Variants in ANKRD30B observed in about 807,000 individuals in gnomAD.
The protein encoded by ANKRD30B is ankyrin repeat domain 30B.
A neutral mutation model predicts 202.2 loss-of-function variants in ANKRD30B; 144 were observed. The observed-to-expected ratio is 0.71, with a 90% CI of 0.62 to 0.82. ANKRD30B has a LOEUF of 0.82. ANKRD30B is among the 40% of genes least tolerant of loss of function. The pLI is 0.00. For synonymous variants in ANKRD30B, 508 were observed against 561.3 expected (o/e 0.91, Z 1.34); for missense variants, 1,487 against 1,669.1 (o/e 0.89, Z 1.90).
chr18:14,914,023 T>G, the ANKRD30B span, among the ~76,000 whole-genome samples: 1 of 152,168 alleles, frequency 6.6e-6, no homozygotes, highest in African/African-American at 2.4e-5. Context: ...TACTGCAGCT[T>G]GTGTCAGAGA....
chr18:14,887,390 T>C, the ANKRD30B span, among the ~76,000 whole-genome samples: 1 of 152,170 alleles, frequency 6.6e-6, no homozygotes, highest in Non-Finnish European at 1.5e-5. Context: ...TACATAGTTC[T>C]AAAATATGAT....
At chr18:14,872,542 T>C in the ANKRD30B span, among the ~76,000 whole-genome samples, 3 of 152,304 alleles carry the variant, frequency 2.0e-5, no homozygotes, top group African/African-American at 7.2e-5. Context: ...TAGAAATCAA[T>C]GCAGCGTGGT....
intron 30 of ANKRD30B, among the ~76,000 whole-genome samples, chr18:14,817,545 T>A (rs1319521245): frequency 6.6e-6 from 1 of 152,170 alleles, no homozygotes; most frequent in African/African-American, 2.4e-5. Flanking sequence ...CTCTGAATGT[T>A]TCATCTCTGC....
chr18:14,780,301 TGG>T (rs1349723208), intron 11 of ANKRD30B, among the ~76,000 whole-genome samples: 2 of 151,980 alleles, frequency 1.3e-5, no homozygotes, highest in African/African-American at 4.8e-5. Context: ...CAAAATTAGT[TGG>T]ATGTGGTGGT....
the ANKRD30B span, among the ~76,000 whole-genome samples, chr18:14,918,049 C>G: frequency 6.6e-6 from 1 of 152,098 alleles, no homozygotes; most frequent in South Asian, 2.1e-4. Context: ...TGTAAGAAAG[C>G]CCAGCAAGAA....
chr18:14,938,701 A>G, the ANKRD30B span, among the ~76,000 whole-genome samples: 14 of 152,122 alleles, frequency 9.2e-5, no homozygotes, highest in Admixed American at 3.9e-4. Context: ...GAACATGGGG[A>G]GTCGGGCTAA....
chr18:14,799,041 C>A, intron 20 of ANKRD30B, 60 bp from the exon 21 acceptor site: 1 of 1,425,946 alleles, frequency 7.0e-7, no homozygotes, highest in Non-Finnish European at 9.9e-7. Flanking sequence ...ACTCTATGAA[C>A]GTTTGGTAGG....
chr18:14,908,337 A>G, the ANKRD30B span, among the ~76,000 whole-genome samples: 1 of 151,452 alleles, frequency 6.6e-6, no homozygotes, highest in Non-Finnish European at 1.5e-5. Context: ...TACAGATGCA[A>G]CTCCCCTCCA....
In ANKRD30B at chr18:14,837,504, CTAT is replaced by C. The variant is rs1178507455; in HGVS notation, c.2927-106_2927-104del. The stretch of plus-strand genomic sequence containing the variant: ...CTTCAATTCTGAAATTCTATTTTTG[CTAT>C]TATTTTTATTTTTGAAATACTCATA... On this transcript the variant is annotated intron_variant, in intron 35 of 43. Transcript: ENST00000690538. The C allele has an allele frequency of 3.1e-6, 3 of 978,304 alleles. No homozygotes were observed. The East Asian group carries it at 8.3e-5, about 27-fold the overall frequency. The allele number at this position is 978,304 out of a possible 1,614,324, so 60.6% of individuals were successfully genotyped here. A position where few individuals can be genotyped will look rare whatever the true frequency, so the allele number is the denominator to read the frequency against.
rs4090321 is a variant in ANKRD30B at position 14,850,253 on chromosome 18, C to A, written c.3435C>A (p.Val1145=). ...AAGAAGAAGAGAAGAGAAGAAATGT[C>A]GATATATTAAAAGAAAAAATTAGAC... is the stretch of plus-strand genomic sequence containing the variant. ...LNQEEEKRRN[V]DILKEKIRPE... is the part of the protein sequence containing the mutation. Residue 1145 remains valine (V), a synonymous_variant, in exon 41 of 44, where the codon GTC becomes GTA. Transcript: ENST00000690538. The A allele has an allele frequency of 3.2e-5, 51 of 1,582,670 alleles. No homozygotes were observed. The highest frequency in any genetic ancestry group is 2.9e-5 in the Non-Finnish European group (34 of 1,167,640).
At position 14,854,503 on chromosome 18, in the gene ANKRD30B, C is replaced by T. The variant is rs1256476514; in HGVS notation, c.*345C>T. Among the ~76,000 whole-genome samples the T allele has an allele frequency of 6.6e-6, 1 of 152,182 alleles. No homozygotes were observed. Among genetic ancestry groups the T allele is most frequent in the Admixed American group, 6.5e-5 (1 of 15,278 alleles). ...ATGAATCCTTATCATGAATCCCTGA[C>T]ACGTTCAGTGTTTTCAGTTATTTTT... On this transcript the variant is annotated 3_prime_UTR_variant, in exon 44 of 44. Transcript: ENST00000690538.
At chr18:14,769,516 G>A (rs1254477099) in intron 8 of ANKRD30B, 143 bp downstream of exon 8, 19 of 612,368 alleles carry the variant, frequency 3.1e-5, no homozygotes, top group Non-Finnish European at 4.1e-5. Flanking sequence ...TCATCACACA[G>A]CTTTGCAAAG....
chr18:14,836,895 G>C (rs1971198948), intron 34 of ANKRD30B, among the ~76,000 whole-genome samples: 2 of 151,748 alleles, frequency 1.3e-5, no homozygotes, highest in Admixed American at 1.3e-4. Flanking sequence ...AAGCTTTTCA[G>C]GTAAAACTGA....
chr18:14,766,493 A>AAAG (rs1555646768), intron 7 of ANKRD30B, among the ~76,000 whole-genome samples: 23 of 85,052 alleles, frequency 2.7e-4, no homozygotes, highest in Admixed American at 4.1e-4. Flanking sequence ...AAAAAAAAAA[A>AAAG]AAAAGAAAAG....
intron 32 of ANKRD30B, among the ~76,000 whole-genome samples, chr18:14,823,654 G>T (rs1319802214): frequency 6.6e-6 from 1 of 152,092 alleles, no homozygotes; most frequent in East Asian, 1.9e-4. Context: ...ATTAGCTTTT[G>T]TTGTCATTCC....
intron 1 of ANKRD30B, among the ~76,000 whole-genome samples, chr18:14,751,686 T>TA (rs1442579401): frequency 6.6e-6 from 1 of 152,186 alleles, no homozygotes; most frequent in Non-Finnish European, 1.5e-5. Context: ...CATACCTATT[T>TA]ATTTGAAACC....
At chr18:14,837,428 T>G (rs1971227208) in intron 35 of ANKRD30B, 139 bp downstream of exon 35, 17 of 854,270 alleles carry the variant, frequency 2.0e-5, no homozygotes, top group Non-Finnish European at 3.0e-5. Flanking sequence ...CTTAAAAAAG[T>G]ACATTTTGAT....
At chr18:14,922,440 G>A in the ANKRD30B span, among the ~76,000 whole-genome samples, 1 of 151,998 alleles carries the variant, frequency 6.6e-6, no homozygotes, top group African/African-American at 2.4e-5. Flanking sequence ...TGGATCAAGA[G>A]GTCAGGAGAT....
the ANKRD30B span, among the ~76,000 whole-genome samples, chr18:14,886,973 A>G: frequency 5.9e-5 from 9 of 152,108 alleles, no homozygotes; most frequent in African/African-American, 2.2e-4. Flanking sequence ...AATTAAATGA[A>G]TCTATTGTTT....
Sources: gnomAD v4.1 joint callset for allele counts (sites outside exome capture counted in the v4.1 genomes callset) on GRCh38, gnomAD v4.1.1 for gene constraint, MANE v1.5 for transcripts, NCBI Gene and HGNC (gene_info 2026-07-23, HGNC 2026-07-21) for gene names.